The following KIF11 variants were observed in gnomAD, a reference collection of about 807,000 sequenced individuals.
KIF11 encodes the protein kinesin family member 11.
A neutral mutation model predicts 121.0 loss-of-function variants in KIF11; 9 were observed. The ratio of observed to expected loss-of-function variants is 0.07; its 90% CI spans 0.04 to 0.13. The LOEUF is 0.13. Ranked by LOEUF, KIF11 falls within the 10% of genes least tolerant of loss-of-function variation. The probability of loss-of-function intolerance (pLI) is 1.00; values close to 1 mark genes in which losing one functional copy is unlikely to be tolerated. For missense variants in KIF11, 846 were observed against 1,217.5 expected (o/e 0.69, Z 4.54); for synonymous variants, 408 against 421.0 (o/e 0.97, Z 0.38).
intron 4 of KIF11, among the ~76,000 whole-genome samples, chr10:92,607,805 TA>T (rs1423818322): frequency 4.6e-5 from 7 of 151,876 alleles, no homozygotes; most frequent in Non-Finnish European, 8.8e-5. Context: ...TTAAAACTTT[TA>T]AAAAAAAGTT....
chr10:92,637,947 A>T (rs1394359796), intron 16 of KIF11, among the ~76,000 whole-genome samples: 2 of 152,168 alleles, frequency 1.3e-5, no homozygotes, highest in African/African-American at 4.8e-5. Flanking sequence ...ACTTTCTCTT[A>T]TTTCTGTCTC....
Position 92,593,255 on chromosome 10 carries a change from A to G in KIF11, c.-121A>G. 3.1e-6 allele frequency: 3 copies of G among 974,594 alleles called. No individual in the cohort carries two copies. The highest frequency in any genetic ancestry group is 5.4e-5 in the East Asian group (2 of 37,176). 60.4% of individuals were successfully genotyped at this position (974,594 alleles called of 1,614,324 possible). A position where few individuals can be genotyped will look rare whatever the true frequency, so the allele number is the denominator to read the frequency against. On this transcript the variant is annotated 5_prime_UTR_variant, in exon 1 of 22. Transcript: ENST00000260731. ...GCCGACCTGCGTGCGTCGGTCCTCC[A>G]GGCCACGCCAGCGCCCGAGAGGGAC...
chr10:92,599,685 G>A (rs1443977646), intron 1 of KIF11, among the ~76,000 whole-genome samples: 3 of 143,260 alleles, frequency 2.1e-5, no homozygotes, highest in Non-Finnish European at 1.5e-5. Context: ...ATGGAGTCTC[G>A]CTTTGTTGCC....
intron 12 of KIF11, 30 bp downstream of exon 12, chr10:92,630,394 A>G: frequency 1.4e-6 from 2 of 1,409,950 alleles, no homozygotes; most frequent in Middle Eastern, 1.9e-4. Context: ...TTGTACTCAT[A>G]TTAAGTAGAG....
At chr10:92,632,736 T>A in intron 13 of KIF11, 43 bp downstream of exon 13, 1 of 1,234,524 alleles carries the variant, frequency 8.1e-7, no homozygotes, top group Non-Finnish European at 1.1e-6. Context: ...GTGTTAAGTG[T>A]AATGTTGATT....
chr10:92,627,013 C>T (rs1409913537), intron 10 of KIF11, among the ~76,000 whole-genome samples: 2 of 152,182 alleles, frequency 1.3e-5, no homozygotes, highest in African/African-American at 2.4e-5. Flanking sequence ...CTTCCCGCCT[C>T]GGCCTCCCAA....
rs760452638 is a variant in KIF11, at chr10:92,645,469, A to C, written c.2374A>C (p.Lys792Gln). The C allele has an allele frequency of 6.2e-7, 1 of 1,614,102 alleles. No homozygotes were observed. The change falls in exon 18 of 22, where the codon AAA becomes CAA. Residue 792 changes from lysine (K) to glutamine (Q), a missense_variant. Coordinates refer to ENST00000260731, the MANE Select transcript of KIF11 (RefSeq NM_004523.4). The part of the protein sequence containing the change: ...ELRNFNQEGT[K>Q]LVEESVKHSD... ...CAGAAATTTTAACCAAGAAGGTACA[A>C]AATTGGTTGAAGAATCTGTGAAACA...
intron 10 of KIF11, among the ~76,000 whole-genome samples, chr10:92,623,068 G>A (rs1236799966): frequency 1.3e-5 from 2 of 152,096 alleles, no homozygotes; most frequent in African/African-American, 4.8e-5. Context: ...ATTTCAGTGG[G>A]GACAGAGAAC....
intron 17 of KIF11, among the ~76,000 whole-genome samples, chr10:92,642,999 C>T (rs1337072585): frequency 1.3e-5 from 2 of 152,202 alleles, no homozygotes; most frequent in African/African-American, 4.8e-5. Flanking sequence ...GCAACCTCTG[C>T]CTCCCGGGTT....
At chr10:92,607,277 C>A in intron 4 of KIF11, 40 bp downstream of exon 4, 2 of 1,249,868 alleles carry the variant, frequency 1.6e-6, no homozygotes, top group Non-Finnish European at 2.3e-6. Context: ...TCTAATGTGA[C>A]TGAAATTTAA....
chr10:92,609,559 T>G, intron 6 of KIF11, 50 bp downstream of exon 6: 7 of 1,551,226 alleles, frequency 4.5e-6, no homozygotes, highest in Non-Finnish European at 6.1e-6. Context: ...TTAAGAAGAA[T>G]TAGGAACTTG....
At chr10:92,606,221 A>C in intron 1 of KIF11, 44 bp from the exon 2 acceptor site, 3 of 1,518,842 alleles carry the variant, frequency 2.0e-6, no homozygotes, top group Non-Finnish European at 2.6e-6. Flanking sequence ...TGATAACCTG[A>C]GAACTAAGAG....
chr10:92,617,751 T>TG (rs1256854011), intron 9 of KIF11, among the ~76,000 whole-genome samples: 5 of 152,002 alleles, frequency 3.3e-5, no homozygotes, highest in South Asian at 4.1e-4. Flanking sequence ...TTTTTGTTTT[T>TG]TTTTTTGAGA....
chr10:92,649,774 T>C (rs920099217), intron 19 of KIF11, 61 bp from the exon 20 acceptor site: 3 of 1,218,148 alleles, frequency 2.5e-6, no homozygotes, highest in Non-Finnish European at 3.4e-6. Context: ...GTTTTAGGTT[T>C]TTTTAAAAAT....
intron 9 of KIF11, among the ~76,000 whole-genome samples, chr10:92,620,283 T>C (rs1844603625): frequency 6.6e-6 from 1 of 152,114 alleles, no homozygotes; most frequent in African/African-American, 2.4e-5. Context: ...GGTTTCACCA[T>C]GTTAGCCAGG....
At chr10:92,617,180 A>C (rs923309524) in intron 9 of KIF11, among the ~76,000 whole-genome samples, 3 of 152,322 alleles carry the variant, frequency 2.0e-5, no homozygotes, top group Non-Finnish European at 2.9e-5. Flanking sequence ...AGAGTTGTGG[A>C]GTATAACCAC....
chr10:92,645,799 T>C (rs1168984335), intron 18 of KIF11, among the ~76,000 whole-genome samples, 157 bp downstream of exon 18: 1 of 152,132 alleles, frequency 6.6e-6, no homozygotes, highest in Non-Finnish European at 1.5e-5. Flanking sequence ...ATGATCTCGT[T>C]TTGTGCTTTG....
chr10:92,626,682 C>T (rs1431422483), intron 10 of KIF11, among the ~76,000 whole-genome samples: 1 of 152,078 alleles, frequency 6.6e-6, no homozygotes, highest in East Asian at 1.9e-4. Context: ...GTTGTATTAC[C>T]CCTTGGCATT....
intron 9 of KIF11, among the ~76,000 whole-genome samples, chr10:92,618,000 A>T (rs536959999): frequency 1.4e-4 from 22 of 152,216 alleles, no homozygotes; most frequent in African/African-American, 5.3e-4. Flanking sequence ...AGCCTCCCAA[A>T]ATGCTGGGAT....
Sources: allele counts gnomAD v4.1 joint callset (sites outside exome capture counted in the v4.1 genomes callset), GRCh38; gene constraint gnomAD v4.1.1; transcripts MANE v1.5; gene names NCBI Gene and HGNC (gene_info 2026-07-23, HGNC 2026-07-21).